EXOC4: variants seen among roughly 807,000 people sequenced by gnomAD.
EXOC4 encodes the protein SEC8-like 1.
In EXOC4, 71 loss-of-function variants were observed where a neutral mutation model predicts 107.2. That is an observed-to-expected ratio of 0.66 (90% CI 0.55 to 0.81). The LOEUF is 0.81. EXOC4 is among the 30% of genes least tolerant of loss of function. EXOC4 has a pLI of 0.00. For missense variants in EXOC4, 1,108 were observed against 1,189.6 expected (o/e 0.93, Z 1.01); for synonymous variants, 456 against 441.2 (o/e 1.03, Z -0.42).
intron 5 of EXOC4, among the ~76,000 whole-genome samples, chr7:133,337,753 C>T (rs1226757037): frequency 2.0e-5 from 3 of 150,662 alleles, no homozygotes; most frequent in South Asian, 4.2e-4. Context: ...CCCACCTCAG[C>T]CTCCCAAGTA....
chr7:133,470,430 G>A (rs898091985), intron 7 of EXOC4, among the ~76,000 whole-genome samples: 17 of 152,168 alleles, frequency 1.1e-4, no homozygotes, highest in African/African-American at 3.9e-4. Flanking sequence ...TATAGCAGAA[G>A]AGATGCCTAA....
intron 12 of EXOC4, among the ~76,000 whole-genome samples, chr7:133,902,533 CAAT>C (rs1378912874): frequency 1.3e-5 from 2 of 152,024 alleles, no homozygotes; most frequent in Admixed American, 1.3e-4. Context: ...GGGAGATAGA[CAAT>C]AAATGAATGT....
At chr7:133,603,948 C>T (rs1563123565) in intron 9 of EXOC4, among the ~76,000 whole-genome samples, 1 of 152,120 alleles carries the variant, frequency 6.6e-6, no homozygotes, top group East Asian at 1.9e-4. Flanking sequence ...CAGTGTACAG[C>T]TGTACAAAAA....
At chr7:133,779,151 A>T (rs1041996843) in intron 10 of EXOC4, among the ~76,000 whole-genome samples, 1 of 152,220 alleles carries the variant, frequency 6.6e-6, no homozygotes, top group African/African-American at 2.4e-5. Context: ...TTTAAATGTC[A>T]TTGCAAAGTT....
At chr7:133,595,901 C>T (rs1167010443) in intron 9 of EXOC4, among the ~76,000 whole-genome samples, 1 of 152,184 alleles carries the variant, frequency 6.6e-6, no homozygotes, top group African/African-American at 2.4e-5. Context: ...TTGCCTCTGT[C>T]TTCTCTGGAT....
At position 133,630,158 on chromosome 7, in the gene EXOC4, G is replaced by C; in HGVS notation, c.1514+17G>C. The C allele has an allele frequency of 6.4e-7, 1 of 1,555,106 alleles. No individual in the cohort carries two copies. The highest frequency in any genetic ancestry group is 8.9e-7 in the Non-Finnish European group (1 of 1,126,796). ...ATTACTAAGGTAAGTCAAGTGCTAT[G>C]ATATACTTACTGAAGATCAATATTT... On this transcript the variant is annotated intron_variant, in intron 10 of 17. Transcript: ENST00000253861.
downstream of EXOC4, among the ~76,000 whole-genome samples, chr7:134,071,268 G>T (rs560996619): frequency 6.6e-6 from 1 of 152,292 alleles, no homozygotes; most frequent in Non-Finnish European, 1.5e-5. Context: ...CAACACCAGA[G>T]TTCATTCTGG....
intron 11 of EXOC4, among the ~76,000 whole-genome samples, chr7:133,835,009 TC>T (rs1797888252): frequency 1.3e-5 from 2 of 152,176 alleles, no homozygotes; most frequent in Admixed American, 1.3e-4. Context: ...CCTGCTGCCA[TC>T]CATGTAAGAT....
At chr7:133,568,932 A>G (rs1279424701) in intron 9 of EXOC4, among the ~76,000 whole-genome samples, 4 of 152,166 alleles carry the variant, frequency 2.6e-5, no homozygotes, top group Non-Finnish European at 5.9e-5. Context: ...TACCGTGTGA[A>G]TAGATCAACT....
At chr7:133,791,951 T>C (rs1295716607) in intron 10 of EXOC4, among the ~76,000 whole-genome samples, 1 of 152,220 alleles carries the variant, frequency 6.6e-6, no homozygotes, top group Non-Finnish European at 1.5e-5. Context: ...GGAAACATCA[T>C]TGAACATTGT....
At chr7:133,579,602 C>A (rs1801205589) in intron 9 of EXOC4, among the ~76,000 whole-genome samples, 1 of 152,058 alleles carries the variant, frequency 6.6e-6, no homozygotes, top group Non-Finnish European at 1.5e-5. Flanking sequence ...TTTCATCTTA[C>A]AAAACTGAAG....
At chr7:133,805,818 T>G (rs2551010) in intron 10 of EXOC4, among the ~76,000 whole-genome samples, 2 of 152,154 alleles carry the variant, frequency 1.3e-5, no homozygotes, top group African/African-American at 2.4e-5. Flanking sequence ...GTCATATATT[T>G]TATAAGTTGA....
chr7:133,520,874 CCT>C (rs1799965989), intron 9 of EXOC4, among the ~76,000 whole-genome samples: 2 of 152,140 alleles, frequency 1.3e-5, no homozygotes, highest in South Asian at 4.2e-4. Context: ...TATGCCTTTC[CCT>C]GTTTTGCTAT....
intron 17 of EXOC4, among the ~76,000 whole-genome samples, chr7:134,015,873 CAAAA>C (rs55846835): frequency 5.5e-5 from 6 of 109,698 alleles, no homozygotes; most frequent in Non-Finnish European, 5.6e-5. Context: ...GACTCCGTCT[CAAAA>C]AAAAAAAAAA....
intron 17 of EXOC4, among the ~76,000 whole-genome samples, chr7:134,011,580 G>A (rs553158479): frequency 1.4e-3 from 209 of 151,950 alleles, no homozygotes; most frequent in Middle Eastern, 6.8e-3. Flanking sequence ...TTCGGGAAGC[G>A]GTAGGGCGAA....
chr7:133,751,526 T>G (rs1795792907), intron 10 of EXOC4, among the ~76,000 whole-genome samples: 1 of 152,150 alleles, frequency 6.6e-6, no homozygotes, highest in Non-Finnish European at 1.5e-5. Flanking sequence ...CATTCAAGTT[T>G]AATTGGTTTT....
intron 11 of EXOC4, among the ~76,000 whole-genome samples, chr7:133,825,023 C>T (rs914247972): frequency 3.9e-5 from 6 of 152,012 alleles, no homozygotes; most frequent in Non-Finnish European, 1.5e-5. Context: ...GCTATGTTTT[C>T]CTTGACGACT....
At chr7:133,545,249 C>T (rs964250979) in intron 9 of EXOC4, among the ~76,000 whole-genome samples, 3 of 152,038 alleles carry the variant, frequency 2.0e-5, no homozygotes, top group Non-Finnish European at 4.4e-5. Context: ...CTAAATCCTA[C>T]CTCTGGGAAT....
the EXOC4 span, among the ~76,000 whole-genome samples, chr7:134,071,871 G>A: frequency 6.6e-6 from 1 of 152,076 alleles, no homozygotes; most frequent in Non-Finnish European, 1.5e-5. Flanking sequence ...GGCAAAGGCA[G>A]GGACTCTCAC....
Sources: allele counts gnomAD v4.1 joint callset (sites outside exome capture counted in the v4.1 genomes callset), GRCh38; gene constraint gnomAD v4.1.1; transcripts MANE v1.5; gene names NCBI Gene and HGNC (gene_info 2026-07-23, HGNC 2026-07-21).